Variants in SLC28A1 observed in about 807,000 individuals in gnomAD.
SLC28A1 encodes solute carrier family 28 member 1, also known as sodium/nucleoside cotransporter 1.
A neutral mutation model predicts 74.8 loss-of-function variants in SLC28A1; 64 were observed. The ratio of observed to expected loss-of-function variants is 0.86; its 90% CI spans 0.70 to 1.05. SLC28A1 has a LOEUF of 1.05. SLC28A1 is among the 50% of genes least tolerant of loss of function. SLC28A1 has a pLI of 0.00. For synonymous variants in SLC28A1, 359 were observed against 335.0 expected, an observed-to-expected ratio of 1.07 and a Z score of -0.78; for missense variants, 828 against 822.8, an observed-to-expected ratio of 1.01 and a Z score of -0.08.
chr15:84,895,761 A>G (rs898396313), intron 6 of SLC28A1: 9 of 1,227,506 alleles, frequency 7.3e-6, no homozygotes, highest in East Asian at 8.7e-5. Flanking sequence ...CGCTGGGGGA[A>G]AAAAACAGTT....
chr15:84,945,848 T>A (rs912888043), downstream of SLC28A1: 3 of 154,378 alleles, frequency 1.9e-5, no homozygotes, highest in Admixed American at 6.2e-5. Flanking sequence ...TTGTCAGAGC[T>A]TGGTGGTTTT....
chr15:84,888,547 A>G (rs1964883062), intron 3 of SLC28A1, among the ~76,000 whole-genome samples: 1 of 152,080 alleles, frequency 6.6e-6, no homozygotes, highest in Non-Finnish European at 1.5e-5. Flanking sequence ...CCCTGCGCAG[A>G]CCATGAGCTC....
chr15:84,963,884 C>A, the SLC28A1 span, among the ~76,000 whole-genome samples: 1 of 152,188 alleles, frequency 6.6e-6, no homozygotes, highest in African/African-American at 2.4e-5. Flanking sequence ...CTAGCTCCAG[C>A]CTCACTGAGC....
chr15:84,906,018 C>CTTTTTTTTTTTTTTTTTTT (rs34746940), intron 8 of SLC28A1, among the ~76,000 whole-genome samples: 1 of 139,264 alleles, frequency 7.2e-6, no homozygotes, highest in Non-Finnish European at 1.5e-5. Context: ...CATTTTTGTT[C>CTTTTTTTTTTTTTTTTTTT]TTTTTTTTTT....
chr15:84,906,863 T>G (rs1967333830), intron 8 of SLC28A1, among the ~76,000 whole-genome samples: 2 of 152,188 alleles, frequency 1.3e-5, no homozygotes, highest in African/African-American at 4.8e-5. Context: ...TGATTTACTT[T>G]TGTCAAAAGA....
intron 12 of SLC28A1, among the ~76,000 whole-genome samples, chr15:84,930,618 T>C (rs1321222392): frequency 7.0e-6 from 1 of 142,918 alleles, no homozygotes; most frequent in Non-Finnish European, 1.5e-5. Context: ...CCTCTGCTTT[T>C]TTTTTTTTTT....
intron 6 of SLC28A1, among the ~76,000 whole-genome samples, 153 bp from the exon 7 acceptor site, chr15:84,903,944 T>G (rs1966850762): frequency 6.6e-6 from 1 of 152,202 alleles, no homozygotes; most frequent in African/African-American, 2.4e-5. Context: ...TCCCAGCATG[T>G]GGTTCCAGAG....
chr15:84,911,445 C>G, intron 9 of SLC28A1, among the ~76,000 whole-genome samples: 1 of 152,326 alleles, frequency 6.6e-6, no homozygotes, highest in Non-Finnish European at 1.5e-5. Context: ...GAGCTAGAAC[C>G]CCTCCACTGG....
chr15:84,912,811 CACACACACA>C lies in SLC28A1; in HGVS notation c.795+4017_795+4025del, dbSNP rs1300945005. ...GTGCCAAATTTTGCGCGCGCGCACA[CACACACACA>C]CACACACACACACACACACACACAC... On this transcript the variant is annotated intron_variant, in intron 9 of 18. Transcript: ENST00000394573. 2.1e-4 allele frequency among the ~76,000 whole-genome samples: 16 copies of C among 75,770 alleles called. No individual in the cohort carries two copies. In the South Asian group the frequency reaches 6.0e-3, roughly 28 times the overall value. The allele number at this position is 75,770 out of a possible 152,430, so 49.7% of individuals were successfully genotyped here.
the SLC28A1 span, among the ~76,000 whole-genome samples, chr15:84,969,658 A>T: frequency 1.2e-4 from 19 of 152,320 alleles, no homozygotes; most frequent in Non-Finnish European, 1.6e-4. Flanking sequence ...ATCTTCATCC[A>T]ATACTGTAAT....
chr15:84,926,364 ATTTTTTTT>A (rs35383548), intron 12 of SLC28A1, among the ~76,000 whole-genome samples: 1 of 130,368 alleles, frequency 7.7e-6, no homozygotes, highest in African/African-American at 2.9e-5. Flanking sequence ...ACCCCTGGCT[ATTTTTTTT>A]TTTTTTTTTT....
At chr15:84,920,940 C>G in intron 10 of SLC28A1, 49 bp from the exon 11 acceptor site, 1 of 1,457,992 alleles carries the variant, frequency 6.9e-7, no homozygotes, top group Non-Finnish European at 9.6e-7. Context: ...CCCTCTGACT[C>G]TGGGGTTTGC....
Position 84,924,058 on chromosome 15 carries a change from G to A in SLC28A1, c.1031G>A (p.Gly344Glu). The A allele has an allele frequency of 1.2e-6, 2 of 1,613,888 alleles. No individual in the cohort carries two copies. The highest frequency in any genetic ancestry group is 8.5e-7 in the Non-Finnish European group (1 of 1,179,986). The change falls in exon 12 of 19, where the codon GGA (glycine) becomes GAA (glutamate). Residue 344 changes from glycine to glutamate, a missense_variant. Gly to Glu is a moderately conservative substitution (Grantham distance 98). Coordinates refer to ENST00000394573, the MANE Select transcript of SLC28A1 (RefSeq NM_004213.5). ...TLSEVHVVMT[G>E]GYATIAGSLL... is the part of the protein sequence containing the mutation. ...TCTGAAGTCCACGTTGTCATGACCGGAGGTTACGCCACCATTGCTGGCAGC... is the reference window on the plus strand; with the variant it reads ...TCTGAAGTCCACGTTGTCATGACCGAAGGTTACGCCACCATTGCTGGCAGC...
At chr15:84,906,548 CT>C (rs1567140120) in intron 8 of SLC28A1, among the ~76,000 whole-genome samples, 1,597 of 81,278 alleles carry the variant, frequency 0.02, 20 homozygotes, top group Non-Finnish European at 0.026. Flanking sequence ...TTCTTTCTTT[CT>C]TTCTTTCTTT....
chr15:84,972,266 C>G, the SLC28A1 span, among the ~76,000 whole-genome samples: 1 of 152,164 alleles, frequency 6.6e-6, no homozygotes, highest in Non-Finnish European at 1.5e-5. Context: ...GATTGAGGCC[C>G]CAACAGATCA....
At position 84,890,500 on chromosome 15, in the gene SLC28A1, G is replaced by A. The variant is rs139048135; in HGVS notation, c.243G>A (p.Leu81=). Residue 81 remains leucine, a synonymous_variant, in exon 5 of 19, where the codon CTG becomes CTA. Coordinates refer to ENST00000394573, the MANE Select transcript of SLC28A1 (RefSeq NM_004213.5). ...GCTTCTGCAGGGAGCACATGCAGCT[G>A]TTTCGATGGATCGGCACAGGCCTGC... ...ARSFCREHMQ[L]FRWIGTGLLC... 1 of 1,611,288 alleles carries A rather than the reference G, an allele frequency of 6.2e-7. No individual in the cohort carries two copies. The highest frequency in any genetic ancestry group is 8.5e-7 in the Non-Finnish European group (1 of 1,179,662).
At chr15:84,942,650 T>G (rs1023010365) in intron 15 of SLC28A1, among the ~76,000 whole-genome samples, 2 of 152,158 alleles carry the variant, frequency 1.3e-5, no homozygotes, top group Non-Finnish European at 2.9e-5. Context: ...TGATCATTGG[T>G]GAGACAATCC....
At position 84,905,628 on chromosome 15, in the gene SLC28A1, C is replaced by T. The variant is rs768211693; in HGVS notation, c.693C>T (p.Phe231=). The T allele has an allele frequency of 9.9e-6, 16 of 1,613,768 alleles. No individual in the cohort carries two copies. In the East Asian group the frequency reaches 1.3e-4, roughly 13 times the overall value. The change falls in exon 8 of 19, where the codon TTC becomes TTT. Residue 231 remains phenylalanine (F), a synonymous_variant. Transcript: ENST00000394573. ...GAACAGAACCAGGATTCATTGCGTT[C>T]GAGTGGCTGGGCGAGCAGATCCGGG... is the stretch of plus-strand genomic sequence containing the variant. The part of the protein sequence containing the change: ...VIRTEPGFIA[F]EWLGEQIRIF...
chr15:84,966,506 G>A, the SLC28A1 span, among the ~76,000 whole-genome samples: 1 of 152,134 alleles, frequency 6.6e-6, no homozygotes, highest in African/African-American at 2.4e-5. Flanking sequence ...TGCCTAGGCT[G>A]GTCTTGAGCT....
Sources: gnomAD v4.1 joint callset for allele counts (sites outside exome capture counted in the v4.1 genomes callset) on GRCh38, gnomAD v4.1.1 for gene constraint, MANE v1.5 for transcripts, NCBI Gene and HGNC (gene_info 2026-07-23, HGNC 2026-07-21) for gene names.